Variants in REC114 observed in about 807,000 individuals in gnomAD.
The protein encoded by REC114 is meiotic recombination protein REC114.
A neutral mutation model predicts 31.3 loss-of-function variants in REC114; 27 were observed. The observed-to-expected ratio is 0.86, with a 90% confidence interval of 0.64 to 1.19. The LOEUF is 1.19. Ranked by LOEUF, REC114 falls within the 50% of genes most tolerant of loss-of-function variation. The pLI is 0.00. For missense variants in REC114, 344 were observed against 326.9 expected (o/e 1.05, Z -0.40); for synonymous variants, 134 against 127.7 (o/e 1.05, Z -0.33).
chr15:73,551,598 G>A lies in REC114; in HGVS notation c.546+448G>A, dbSNP rs143746363. Among the ~76,000 whole-genome samples, 179 of 152,198 alleles carry A rather than the reference G, an allele frequency of 1.2e-3. No individual in the cohort carries two copies. In the East Asian group the frequency reaches 0.026, roughly 22 times the overall value. On this transcript the variant is annotated intron_variant, in intron 4 of 5. Transcript: ENST00000331090. ...AATAGTCATCATGTTCCAATCATTC[G>A]CAGTAAGAACAAACTAACGAAATAA...
chr15:73,449,692 C>A (rs556542905), intron 1 of REC114, among the ~76,000 whole-genome samples: 1 of 151,962 alleles, frequency 6.6e-6, no homozygotes, highest in Admixed American at 6.6e-5. Flanking sequence ...GACATATAAT[C>A]GTCAGATACA....
At chr15:73,483,561 A>G (rs1274224290) in intron 2 of REC114, 1 of 152,592 alleles carries the variant, frequency 6.6e-6, no homozygotes, top group Non-Finnish European at 1.5e-5. Context: ...GGCTTTGGTC[A>G]AGGGAATAAT....
At chr15:73,502,483 C>G (rs998423340) in intron 2 of REC114, among the ~76,000 whole-genome samples, 1 of 152,082 alleles carries the variant, frequency 6.6e-6, no homozygotes, top group African/African-American at 2.4e-5. Context: ...GTATTACATA[C>G]TGTATTCTTA....
chr15:73,472,047 T>C (rs896437589), intron 1 of REC114, among the ~76,000 whole-genome samples: 7 of 152,238 alleles, frequency 4.6e-5, no homozygotes, highest in African/African-American at 1.7e-4. Context: ...ATCTGGGTGA[T>C]GTATTTGCTT....
At chr15:73,538,097 A>T (rs1355160570) in intron 2 of REC114, among the ~76,000 whole-genome samples, 1 of 152,208 alleles carries the variant, frequency 6.6e-6, no homozygotes, top group Non-Finnish European at 1.5e-5. Flanking sequence ...ATGGAATTTT[A>T]AATTTAATTT....
At chr15:73,522,318 G>A (rs1040722125) in intron 2 of REC114, among the ~76,000 whole-genome samples, 1 of 152,110 alleles carries the variant, frequency 6.6e-6, no homozygotes, top group Non-Finnish European at 1.5e-5. Flanking sequence ...GGAAGATGTT[G>A]CCAGCATAGT....
chr15:73,530,924 C>A (rs558812200), intron 2 of REC114, among the ~76,000 whole-genome samples: 7 of 152,164 alleles, frequency 4.6e-5, no homozygotes, highest in Admixed American at 2.6e-4. Flanking sequence ...GGCCTGGGGA[C>A]GAGGTGCACT....
intron 2 of REC114, among the ~76,000 whole-genome samples, chr15:73,494,024 TTC>T (rs1893482505): frequency 6.6e-6 from 1 of 152,164 alleles, no homozygotes; most frequent in Non-Finnish European, 1.5e-5. Context: ...TGCCAGTGTC[TTC>T]TCTTTCTCTC....
intron 3 of REC114, 90 bp from the exon 4 acceptor site, chr15:73,550,848 G>T (rs774698351): frequency 3.2e-6 from 4 of 1,253,370 alleles, no homozygotes; most frequent in Non-Finnish European, 4.6e-6. Flanking sequence ...CTCTTCCTCC[G>T]CCAAGCAAAG....
chr15:73,482,744 G>T (rs906542755), intron 2 of REC114, among the ~76,000 whole-genome samples: 1 of 152,116 alleles, frequency 6.6e-6, no homozygotes, highest in Admixed American at 6.6e-5. Context: ...ATCTACCAAT[G>T]GATGTTCAGT....
chr15:73,559,181 T>C (rs1894527880), intron 5 of REC114, among the ~76,000 whole-genome samples: 1 of 152,218 alleles, frequency 6.6e-6, no homozygotes, highest in Non-Finnish European at 1.5e-5. Context: ...AGGAATTTTT[T>C]TGGGAAGTGA....
chr15:73,511,031 C>T (rs1317537408), intron 2 of REC114, among the ~76,000 whole-genome samples: 1 of 151,310 alleles, frequency 6.6e-6, no homozygotes, highest in African/African-American at 2.4e-5. Context: ...CCAGTTCCTC[C>T]TTGTACCTCT....
chr15:73,510,050 A>G lies in REC114; in HGVS notation c.250-30435A>G, dbSNP rs1330375761. On this transcript the variant is annotated intron_variant, in intron 2 of 5. Transcript: ENST00000331090. ...CCTTGGGCAGTATGGCCATTTTCAC[A>G]ATATTGATTCTTCCTACCCATGAGC... Among the ~76,000 whole-genome samples the G allele has an allele frequency of 5.3e-4, 80 of 151,994 alleles. No homozygotes were observed. In the Middle Eastern group the frequency reaches 0.01, roughly 19 times the overall value.
At chr15:73,467,478 G>T in intron 1 of REC114, among the ~76,000 whole-genome samples, 1 of 152,148 alleles carries the variant, frequency 6.6e-6, no homozygotes. Context: ...TTAGGATTAG[G>T]ATCTGTGTTT....
At chr15:73,541,651 T>A (rs1025790785) in intron 3 of REC114, among the ~76,000 whole-genome samples, 3 of 152,196 alleles carry the variant, frequency 2.0e-5, no homozygotes, top group African/African-American at 7.2e-5. Flanking sequence ...CCCTGTTTTG[T>A]TTCCCATATA....
chr15:73,472,095 T>C (rs1893141354), intron 1 of REC114, among the ~76,000 whole-genome samples: 1 of 152,242 alleles, frequency 6.6e-6, no homozygotes. Flanking sequence ...ATATTTCGGA[T>C]GCTTTTTGGT....
intron 2 of REC114, among the ~76,000 whole-genome samples, chr15:73,525,310 T>TC (rs902292977): frequency 2.0e-5 from 3 of 152,202 alleles, no homozygotes; most frequent in Non-Finnish European, 4.4e-5. Context: ...TATTATTTTT[T>TC]CAAAGATCTA....
chr15:73,505,127 A>C (rs1229340531), intron 2 of REC114, among the ~76,000 whole-genome samples: 2 of 151,668 alleles, frequency 1.3e-5, no homozygotes, highest in African/African-American at 4.9e-5. Flanking sequence ...TGTCTTATTT[A>C]TCTTTTAATC....
chr15:73,473,036 A>G (rs1394349516), intron 1 of REC114, among the ~76,000 whole-genome samples: 1 of 152,140 alleles, frequency 6.6e-6, no homozygotes, highest in Non-Finnish European at 1.5e-5. Context: ...ACCATATTTT[A>G]AGAGTGACAC....
Sources: allele counts gnomAD v4.1 joint callset (sites outside exome capture counted in the v4.1 genomes callset), GRCh38; gene constraint gnomAD v4.1.1; transcripts MANE v1.5; gene names NCBI Gene and HGNC (gene_info 2026-07-23, HGNC 2026-07-21).